The following GRAMD1B variants were observed in gnomAD, a reference collection of about 807,000 sequenced individuals.
GRAMD1B encodes protein Aster-B.
Under a neutral mutation model 99.7 loss-of-function variants are expected in GRAMD1B, and 37 were observed. That is an observed-to-expected ratio of 0.37 (90% CI 0.29 to 0.49). The LOEUF is 0.49. Among genes scored for constraint, GRAMD1B ranks in the 20% least tolerant of loss-of-function variants. The pLI, the probability that GRAMD1B is intolerant of heterozygous loss-of-function variation, is 0.98. For synonymous variants in GRAMD1B, 427 were observed against 387.6 expected (o/e 1.10, Z -1.19); for missense variants, 888 against 1,009.2 (o/e 0.88, Z 1.63).
chr11:123,618,129 T>C (rs1954687837), intron 17 of GRAMD1B, among the ~76,000 whole-genome samples: 2 of 152,198 alleles, frequency 1.3e-5, no homozygotes, highest in African/African-American at 4.8e-5. Flanking sequence ...CTTTTCTCAA[T>C]TTAGCACCCG....
At chr11:123,447,831 G>A (rs1488270621) in intron 1 of GRAMD1B, among the ~76,000 whole-genome samples, 1 of 152,136 alleles carries the variant, frequency 6.6e-6, no homozygotes, top group African/African-American at 2.4e-5. Context: ...TTCCTTCTTT[G>A]GTTATTTATG....
At chr11:123,461,822 T>C (rs1272882475) in intron 1 of GRAMD1B, among the ~76,000 whole-genome samples, 1 of 151,904 alleles carries the variant, frequency 6.6e-6, no homozygotes, top group African/African-American at 2.4e-5. Context: ...GCCAGGCTGG[T>C]CTCAAACTCC....
chr11:123,611,115 C>T (rs964506708), intron 14 of GRAMD1B, among the ~76,000 whole-genome samples: 5 of 152,132 alleles, frequency 3.3e-5, no homozygotes, highest in African/African-American at 1.2e-4. Context: ...AGTAAAAGGT[C>T]GCACAGAGAT....
chr11:123,578,449 C>T (rs1041616477), intron 3 of GRAMD1B: 2 of 1,513,914 alleles, frequency 1.3e-6, no homozygotes, highest in Non-Finnish European at 1.8e-6. Context: ...TCTTTTGTCT[C>T]TGTCCTTTTA....
At chr11:123,504,957 C>T (rs575372276) in intron 2 of GRAMD1B, among the ~76,000 whole-genome samples, 9 of 152,254 alleles carry the variant, frequency 5.9e-5, no homozygotes, top group Middle Eastern at 6.8e-3. Context: ...GCTAGAATTA[C>T]AGGCTTGAGC....
At chr11:123,391,611 C>T (rs903521067) in intron 1 of GRAMD1B, among the ~76,000 whole-genome samples, 7 of 152,272 alleles carry the variant, frequency 4.6e-5, no homozygotes, top group African/African-American at 1.4e-4. Context: ...TGACTGCCAG[C>T]ACGCCTGGCT....
At chr11:123,582,837 C>T (rs985733271) in intron 3 of GRAMD1B, among the ~76,000 whole-genome samples, 2 of 152,184 alleles carry the variant, frequency 1.3e-5, no homozygotes, top group African/African-American at 4.8e-5. Flanking sequence ...TCTTGTCTGC[C>T]CTTCTGGGTT....
At position 123,623,011 on chromosome 11, in the gene GRAMD1B, C is replaced by G. The variant is rs1256122459; in HGVS notation, c.*416C>G. The G allele has an allele frequency of 6.6e-6, 1 of 152,152 alleles. No homozygotes were observed. Among genetic ancestry groups the G allele is most frequent in the Admixed American group, 6.5e-5 (1 of 15,272 alleles). 9.4% of individuals were successfully genotyped at this position (152,152 alleles called of 1,614,324 possible). ...CTTAAGGTGCTTCATTCCCTAATCC[C>G]CTTTTGATTTGTTTCCAAAATAAAA... On this transcript the variant is annotated 3_prime_UTR_variant, in exon 20 of 20. Coordinates refer to ENST00000635736, the MANE Select transcript of GRAMD1B (RefSeq NM_001387025.1).
intron 19 of GRAMD1B, among the ~76,000 whole-genome samples, chr11:123,620,688 G>A (rs1202637451): frequency 1.3e-5 from 2 of 152,172 alleles, no homozygotes; most frequent in African/African-American, 4.8e-5. Context: ...ACACGAGGGT[G>A]AGGAGAACAG....
At chr11:123,557,534 A>C (rs1946289081) in intron 2 of GRAMD1B, among the ~76,000 whole-genome samples, 2 of 152,228 alleles carry the variant, frequency 1.3e-5, no homozygotes, top group Admixed American at 6.5e-5. Context: ...GCTTTTGACC[A>C]ATATTGATTA....
At position 123,558,716 on chromosome 11, in the gene GRAMD1B, T is replaced by A. The variant is rs115046015; in HGVS notation, c.453-18651T>A. On this transcript the variant is annotated intron_variant, in intron 2 of 19. Transcript: ENST00000635736. The stretch of plus-strand genomic sequence containing the variant: ...AGCCAGACAAGGAGGGAGGCTGAAA[T>A]TGGGGCATTGCCAATATACCTTTCT... 2.5e-3 allele frequency among the ~76,000 whole-genome samples: 379 copies of A among 152,292 alleles called. 3 individuals are homozygous for A. Among genetic ancestry groups the A allele is most frequent in the African/African-American group, 8.5e-3 (352 of 41,568 alleles).
intron 17 of GRAMD1B, chr11:123,618,475 TC>T: frequency 1.1e-6 from 1 of 930,520 alleles, no homozygotes. Flanking sequence ...AGTGCCTTCA[TC>T]CCATGCCCCT....
At position 123,610,798 on chromosome 11, in the gene GRAMD1B, A is replaced by C. The variant is rs1045300480; in HGVS notation, c.1919+460A>C. Among the ~76,000 whole-genome samples the C allele has an allele frequency of 6.6e-6, 1 of 152,214 alleles. No individual in the cohort carries two copies. ...TGCTGCGTGGATTGCCATTAGTGTTAGACAGTGAGCTCCACGAGGACAGGA... is the reference window on the plus strand; with the variant it reads ...TGCTGCGTGGATTGCCATTAGTGTTCGACAGTGAGCTCCACGAGGACAGGA... On this transcript the variant is annotated intron_variant, in intron 14 of 19. Coordinates refer to ENST00000635736, the MANE Select transcript of GRAMD1B (RefSeq NM_001387025.1). The surrounding 1 kb of genome is among the most constrained non-coding windows in gnomAD (Gnocchi z 4.1).
chr11:123,402,094 C>A (rs1222000751), intron 1 of GRAMD1B, among the ~76,000 whole-genome samples: 1 of 152,212 alleles, frequency 6.6e-6, no homozygotes, highest in Non-Finnish European at 1.5e-5. Flanking sequence ...TGGCTCACTG[C>A]AACCTCCGCT....
chr11:123,599,603 G>C (rs535429935), intron 7 of GRAMD1B, among the ~76,000 whole-genome samples: 1 of 152,200 alleles, frequency 6.6e-6, no homozygotes, highest in African/African-American at 2.4e-5. Flanking sequence ...CTCCGGAATA[G>C]CTGAGATTAC....
chr11:123,596,049 C>G lies in GRAMD1B; in HGVS notation c.969+12C>G. ...CTGATTCAGAAAAGGTAAGTGGAGTCTAACTCTGGCCTTTCTAATCCTCCC... is the reference window on the plus strand; with the variant it reads ...CTGATTCAGAAAAGGTAAGTGGAGTGTAACTCTGGCCTTTCTAATCCTCCC... On this transcript the variant is annotated intron_variant, in intron 7 of 19. Coordinates refer to ENST00000635736, the MANE Select transcript of GRAMD1B (RefSeq NM_001387025.1). 1.4e-6 allele frequency: 2 copies of G among 1,440,650 alleles called. No individual in the cohort carries two copies. The highest frequency in any genetic ancestry group is 1.9e-6 in the Non-Finnish European group (2 of 1,030,740). The allele number at this position is 1,440,650 out of a possible 1,614,324, so 89.2% of individuals were successfully genotyped here.
intron 2 of GRAMD1B, among the ~76,000 whole-genome samples, chr11:123,540,512 T>C (rs1944403163): frequency 6.6e-6 from 1 of 152,184 alleles, no homozygotes; most frequent in African/African-American, 2.4e-5. Context: ...CTTTTTAGAG[T>C]TCTCTTACAT....
chr11:123,518,203 G>A (rs1941860104), intron 2 of GRAMD1B, among the ~76,000 whole-genome samples: 1 of 152,172 alleles, frequency 6.6e-6, no homozygotes, highest in Non-Finnish European at 1.5e-5. Context: ...GCAGCAGAAG[G>A]GGTCTCGTGA....
At chr11:123,438,872 G>A (rs2134246035) in intron 1 of GRAMD1B, among the ~76,000 whole-genome samples, 1 of 152,306 alleles carries the variant, frequency 6.6e-6, no homozygotes, top group South Asian at 2.1e-4. Context: ...TGCCAGTGGG[G>A]AATTTTCTTC....
Sources: allele counts gnomAD v4.1 joint callset (sites outside exome capture counted in the v4.1 genomes callset), GRCh38; gene constraint gnomAD v4.1.1; non-coding constraint Gnocchi (gnomAD v3.1); transcripts MANE v1.5; gene names NCBI Gene and HGNC (gene_info 2026-07-23, HGNC 2026-07-21).